The following MACROD2 variants were observed in gnomAD, a reference collection of about 807,000 sequenced individuals.
MACROD2 encodes ADP-ribose glycohydrolase MACROD2.
A neutral mutation model predicts 70.4 loss-of-function variants in MACROD2; 36 were observed. The ratio of observed to expected loss-of-function variants is 0.51; its 90% CI spans 0.39 to 0.68. MACROD2 has a LOEUF of 0.68. MACROD2 is among the 30% of genes least tolerant of loss of function. The pLI is 0.00. For synonymous variants in MACROD2, 172 were observed against 178.8 expected, an observed-to-expected ratio of 0.96 and a Z score of 0.30; for missense variants, 496 against 538.4, an observed-to-expected ratio of 0.92 and a Z score of 0.78.
At chr20:15,915,986 A>C (rs921018958) in intron 10 of MACROD2, among the ~76,000 whole-genome samples, 2 of 152,320 alleles carry the variant, frequency 1.3e-5, no homozygotes, top group Admixed American at 1.3e-4. Flanking sequence ...TGGATCATGA[A>C]GAGGTAAAAT....
At chr20:14,764,513 A>C (rs2072059516) in intron 5 of MACROD2, among the ~76,000 whole-genome samples, 1 of 152,048 alleles carries the variant, frequency 6.6e-6, no homozygotes, top group African/African-American at 2.4e-5. Flanking sequence ...AACTCTTACA[A>C]GCTATGGGGA....
intron 10 of MACROD2, among the ~76,000 whole-genome samples, chr20:15,898,549 T>A (rs1274286194): frequency 6.4e-4 from 60 of 94,468 alleles, no homozygotes; most frequent in South Asian, 9.3e-4. Context: ...AGACTCAGTC[T>A]AAAAAAAAAA....
chr20:15,708,595 C>A (rs960739821), intron 8 of MACROD2, among the ~76,000 whole-genome samples: 3 of 152,174 alleles, frequency 2.0e-5, no homozygotes, highest in African/African-American at 7.2e-5. Flanking sequence ...TCGACTTGAG[C>A]CCAGCATGCT....
chr20:14,895,390 G>A (rs1334534844), intron 5 of MACROD2: 1 of 152,130 alleles, frequency 6.6e-6, no homozygotes, highest in Non-Finnish European at 1.5e-5. Context: ...AGATGGTTGG[G>A]GGGCAAGTAT....
chr20:15,859,167 C>T (rs986775115), intron 8 of MACROD2, among the ~76,000 whole-genome samples: 2 of 151,908 alleles, frequency 1.3e-5, no homozygotes, highest in African/African-American at 4.8e-5. Context: ...GGAAGTGGAT[C>T]ATCATAAAGG....
At chr20:14,933,800 G>T (rs2074317050) in intron 5 of MACROD2, 1 of 151,984 alleles carries the variant, frequency 6.6e-6, no homozygotes, top group Admixed American at 6.6e-5. Flanking sequence ...ATAACATAAG[G>T]CACTTGTCAT....
Position 15,886,368 on chromosome 20 carries a change from A to C in MACROD2, c.775+557A>C, listed in dbSNP as rs1032929753. On this transcript the variant is annotated intron_variant, in intron 10 of 17. Coordinates refer to ENST00000684519, the MANE Select transcript of MACROD2 (RefSeq NM_001351661.2). ...AGCTTCCAAAATGAGCTTCTCCTGGAAAAAGGGAGACACTGTATTCTCAGG... is the reference window on the plus strand; with the variant it reads ...AGCTTCCAAAATGAGCTTCTCCTGGCAAAAGGGAGACACTGTATTCTCAGG... Among the ~76,000 whole-genome samples, 3 of 152,130 alleles carry C rather than the reference A, an allele frequency of 2.0e-5. No individual in the cohort carries two copies. The East Asian group carries it at 5.8e-4, about 29-fold the overall frequency.
rs369507075 is a variant in MACROD2 at position 14,858,349 on chromosome 20, C to T, written c.418+173390C>T. 1.2e-4 allele frequency among the ~76,000 whole-genome samples: 18 copies of T among 152,058 alleles called. No homozygotes were observed. The South Asian group carries it at 3.3e-3, about 28-fold the overall frequency. On this transcript the variant is annotated intron_variant, in intron 5 of 17. Coordinates refer to ENST00000684519, the MANE Select transcript of MACROD2 (RefSeq NM_001351661.2). The stretch of plus-strand genomic sequence containing the variant: ...GGCAGTGACCTGTTGAGCCCTTGGA[C>T]CCCAGAATTTCTCGGGTTATTGTTT...
intron 5 of MACROD2, among the ~76,000 whole-genome samples, chr20:15,103,716 A>G (rs546980247): frequency 2.4e-4 from 36 of 152,284 alleles, no homozygotes; most frequent in Non-Finnish European, 4.7e-4. Context: ...AAATCCATGA[A>G]GAAGAGAAAA....
chr20:14,646,299 A>C (rs1985387768), intron 4 of MACROD2, among the ~76,000 whole-genome samples: 5 of 151,722 alleles, frequency 3.3e-5, no homozygotes, highest in Admixed American at 2.6e-4. Flanking sequence ...AATTTTTACA[A>C]CTCATAAAAG....
chr20:15,954,272 G>A (rs2065945634), intron 12 of MACROD2, among the ~76,000 whole-genome samples: 1 of 151,966 alleles, frequency 6.6e-6, no homozygotes, highest in Non-Finnish European at 1.5e-5. Flanking sequence ...AGCCTGTTAG[G>A]TGCACCTTTC....
At chr20:14,563,403 T>C (rs955630807) in intron 4 of MACROD2, among the ~76,000 whole-genome samples, 2 of 151,958 alleles carry the variant, frequency 1.3e-5, no homozygotes, top group Non-Finnish European at 2.9e-5. Context: ...ATTTAAACGT[T>C]AGCAGTTATA....
chr20:14,828,863 C>CA (rs1422068628), intron 5 of MACROD2, among the ~76,000 whole-genome samples: 1 of 151,346 alleles, frequency 6.6e-6, no homozygotes, highest in Non-Finnish European at 1.5e-5. Flanking sequence ...ATTGTTGGAC[C>CA]AAAAAAATGG....
intron 7 of MACROD2, among the ~76,000 whole-genome samples, chr20:15,481,862 C>CA (rs1267754755): frequency 6.6e-6 from 1 of 152,124 alleles, no homozygotes; most frequent in Non-Finnish European, 1.5e-5. Flanking sequence ...TAAATTAGCC[C>CA]ACTGATACAT....
chr20:14,320,742 C>T (rs908571554), intron 3 of MACROD2, among the ~76,000 whole-genome samples: 2 of 141,336 alleles, frequency 1.4e-5, no homozygotes, highest in African/African-American at 2.7e-5. Context: ...TAAGTCTTTA[C>T]TGGGGCCTAA....
intron 5 of MACROD2, among the ~76,000 whole-genome samples, chr20:14,753,582 T>C (rs1274157395): frequency 1.3e-5 from 2 of 152,106 alleles, no homozygotes; most frequent in Admixed American, 1.3e-4. Flanking sequence ...AGTGCTTACA[T>C]AGTCGAATTA....
chr20:16,022,808 A>G (rs558788402), intron 15 of MACROD2, among the ~76,000 whole-genome samples: 28 of 152,334 alleles, frequency 1.8e-4, no homozygotes, highest in African/African-American at 6.3e-4. Flanking sequence ...TCAGAGCTAT[A>G]TTATAAGACC....
intron 8 of MACROD2, among the ~76,000 whole-genome samples, chr20:15,542,715 T>C (rs1332097298): frequency 1.3e-5 from 2 of 152,248 alleles, no homozygotes; most frequent in Non-Finnish European, 2.9e-5. Flanking sequence ...TCACAATATT[T>C]ACTATTGTAA....
chr20:15,258,293 G>A (rs1197247536), intron 6 of MACROD2, among the ~76,000 whole-genome samples: 1 of 151,902 alleles, frequency 6.6e-6, no homozygotes, highest in Non-Finnish European at 1.5e-5. Flanking sequence ...CTACAGTAGG[G>A]TACTGTAATG....
Sources: allele counts gnomAD v4.1 joint callset (sites outside exome capture counted in the v4.1 genomes callset), GRCh38; gene constraint gnomAD v4.1.1; transcripts MANE v1.5; gene names NCBI Gene and HGNC (gene_info 2026-07-23, HGNC 2026-07-21).